NIBAN1: variants seen among roughly 807,000 people sequenced by gnomAD.
The protein encoded by NIBAN1 is niban apoptosis regulator 1, also known as protein Niban 1.
In NIBAN1, 81 loss-of-function variants were observed where a neutral mutation model predicts 75.1. The observed-to-expected ratio is 1.08, with a 90% CI of 0.90 to 1.30. The LOEUF (loss-of-function observed/expected upper bound fraction) is 1.30. NIBAN1 is among the 50% of genes most tolerant of loss of function. NIBAN1 has a pLI of 0.00. For synonymous variants in NIBAN1, 436 were observed against 424.8 expected (o/e 1.03, Z -0.32); for missense variants, 1,133 against 1,128.1 (o/e 1.00, Z -0.06).
At chr1:184,902,768 GA>G (rs1169766170) in intron 1 of NIBAN1, among the ~76,000 whole-genome samples, 1 of 152,138 alleles carries the variant, frequency 6.6e-6, no homozygotes, top group Non-Finnish European at 1.5e-5. Flanking sequence ...ATGAACTGAA[GA>G]AAAAGTGTAA....
intron 4 of NIBAN1, among the ~76,000 whole-genome samples, chr1:184,886,489 T>C (rs1656528685): frequency 6.6e-6 from 1 of 152,214 alleles, no homozygotes; most frequent in Non-Finnish European, 1.5e-5. Context: ...CTAGGATATT[T>C]TTTTAAAGCC....
At chr1:184,841,984 T>C (rs1271117925) in intron 5 of NIBAN1, among the ~76,000 whole-genome samples, 1 of 152,104 alleles carries the variant, frequency 6.6e-6, no homozygotes, top group Admixed American at 6.5e-5. Flanking sequence ...TATTCACCCC[T>C]GCATCCCTAC....
intron 1 of NIBAN1, among the ~76,000 whole-genome samples, chr1:184,967,135 C>T (rs1437905236): frequency 6.6e-6 from 1 of 152,040 alleles, no homozygotes; most frequent in Admixed American, 6.6e-5. Context: ...AATGAATTTT[C>T]CAGTTTCAAA....
At chr1:184,882,454 T>A (rs1292239668) in intron 5 of NIBAN1, among the ~76,000 whole-genome samples, 2 of 152,218 alleles carry the variant, frequency 1.3e-5, no homozygotes, top group Non-Finnish European at 2.9e-5. Flanking sequence ...TGGTTCTGAC[T>A]GGAGCTACTG....
intron 5 of NIBAN1, among the ~76,000 whole-genome samples, chr1:184,865,165 G>GT (rs1288398345): frequency 6.6e-6 from 1 of 152,112 alleles, no homozygotes; most frequent in African/African-American, 2.4e-5. Flanking sequence ...AGATAGGAAT[G>GT]TAAGTTAGTT....
rs1653794012 is a variant in NIBAN1, at chr1:184,794,884, A to C, written c.*93T>G. 6.4e-7 allele frequency: 1 copy of C among 1,561,030 alleles called. No individual in the cohort carries two copies. Among genetic ancestry groups the C allele is most frequent in the Non-Finnish European group, 8.7e-7 (1 of 1,145,652 alleles). ...TATTCAAATTAAGAAAATACTTAAA[A>C]ATTTTTTGGTAACAGCTTGCATGCA... On this transcript the variant is annotated 3_prime_UTR_variant, in exon 14 of 14. Coordinates refer to ENST00000367511, the MANE Select transcript of NIBAN1 (RefSeq NM_052966.4).
intron 1 of NIBAN1, among the ~76,000 whole-genome samples, chr1:184,918,998 T>TA (rs201928415): frequency 9.0e-4 from 137 of 151,686 alleles, no homozygotes; most frequent in East Asian, 3.3e-3. Context: ...TTTAAACTTG[T>TA]AAAAAAAAAC....
intron 5 of NIBAN1, among the ~76,000 whole-genome samples, chr1:184,873,470 C>A (rs1656160924): frequency 6.6e-6 from 1 of 152,190 alleles, no homozygotes; most frequent in African/African-American, 2.4e-5. Context: ...ATAAATTTTC[C>A]ATGAGAAACG....
chr1:184,795,080 A>G lies in NIBAN1; in HGVS notation c.2684T>C (p.Val895Ala). The change falls in exon 14 of 14, where the codon GTG (valine) becomes GCG (alanine). Residue 895 changes from valine (V) to alanine (A), a missense_variant. Coordinates refer to ENST00000367511, the MANE Select transcript of NIBAN1 (RefSeq NM_052966.4). ...VARIHECQWV[V>A]EDAPNPDVLL... The stretch of plus-strand genomic sequence containing the variant: ...GACATCCGGGTTTGGAGCATCCTCC[A>G]CCACCCACTGACACTCATGAATACG... 1 of 1,614,028 alleles carries G rather than the reference A, an allele frequency of 6.2e-7. No homozygotes were observed. Among genetic ancestry groups the G allele is most frequent in the Non-Finnish European group, 8.5e-7 (1 of 1,180,022 alleles).
At chr1:184,878,285 G>C (rs1454042923) in intron 5 of NIBAN1, among the ~76,000 whole-genome samples, 1 of 152,130 alleles carries the variant, frequency 6.6e-6, no homozygotes, top group Non-Finnish European at 1.5e-5. Context: ...AAATTGCTTT[G>C]AGAGCTTCAA....
chr1:184,805,600 C>G (rs867509536), intron 11 of NIBAN1, among the ~76,000 whole-genome samples: 1 of 152,120 alleles, frequency 6.6e-6, no homozygotes, highest in East Asian at 1.9e-4. Context: ...TATATTGTAA[C>G]CTCTTTGAAG....
chr1:184,867,341 C>T lies in NIBAN1; in HGVS notation c.601+17292G>A, dbSNP rs1655986033. ...TCCCTCTGTGCATGTTAAGCTTCTT[C>T]TGACAAGAAGCACTAGAAAGATACA... On this transcript the variant is annotated intron_variant, in intron 5 of 13. Coordinates refer to ENST00000367511, the MANE Select transcript of NIBAN1 (RefSeq NM_052966.4). 2.0e-5 allele frequency among the ~76,000 whole-genome samples: 3 copies of T among 152,294 alleles called. No homozygotes were observed. In the East Asian group the frequency reaches 5.8e-4, roughly 29 times the overall value.
rs1026740677 is a variant in NIBAN1 at position 184,792,211 on chromosome 1, G to A, written c.*2766C>T. 6.6e-6 allele frequency: 1 copy of A among 152,152 alleles called. No individual in the cohort carries two copies. Among genetic ancestry groups the A allele is most frequent in the Admixed American group, 6.6e-5 (1 of 15,258 alleles). 9.4% of individuals were successfully genotyped at this position (152,152 alleles called of 1,614,324 possible). ...TCACCTCAGCCTCCCAAAGTGCTGGGATTATAGGTGTAAGCTACCACATCC... is the reference window on the plus strand; with the variant it reads ...TCACCTCAGCCTCCCAAAGTGCTGGAATTATAGGTGTAAGCTACCACATCC... On this transcript the variant is annotated 3_prime_UTR_variant, in exon 14 of 14. Coordinates refer to ENST00000367511, the MANE Select transcript of NIBAN1 (RefSeq NM_052966.4).
intron 10 of NIBAN1, among the ~76,000 whole-genome samples, chr1:184,807,510 G>C (rs528318860): frequency 6.6e-6 from 1 of 152,120 alleles, no homozygotes; most frequent in African/African-American, 2.4e-5. Context: ...CATATAGGCT[G>C]GGTGTGGTGG....
intron 4 of NIBAN1, among the ~76,000 whole-genome samples, chr1:184,889,348 G>T (rs1372484731): frequency 6.6e-6 from 1 of 152,164 alleles, no homozygotes; most frequent in Non-Finnish European, 1.5e-5. Context: ...TTTGGTAAGT[G>T]GCACAGCCAG....
chr1:184,965,687 A>G (rs1658765281), intron 1 of NIBAN1, among the ~76,000 whole-genome samples: 1 of 152,216 alleles, frequency 6.6e-6, no homozygotes, highest in African/African-American at 2.4e-5. Flanking sequence ...AGGAAAAATA[A>G]CTAATGGATA....
At chr1:184,967,180 A>C (rs148325913) in intron 1 of NIBAN1, among the ~76,000 whole-genome samples, 1 of 149,446 alleles carries the variant, frequency 6.7e-6, no homozygotes, top group Admixed American at 6.7e-5. Context: ...GGTTCTGTTA[A>C]ATCTCTTTCT....
rs1335694028 is a variant in NIBAN1, at chr1:184,890,198, T to C, written c.343A>G (p.Lys115Glu). The stretch of plus-strand genomic sequence containing the variant: ...CCACCGGCTGGAAGAATTCGACATT[T>C]AGGAGCAGCTCCTCTCTGATAGGCC... ...KEAYQRGAAP[K>E]CRILPAGGKV... is the part of the protein sequence containing the mutation. Residue 115 changes from lysine to glutamate, a missense_variant, in exon 4 of 14, where the codon AAA (lysine) becomes GAA (glutamate). Lys to Glu is a moderately conservative substitution (Grantham distance 56, BLOSUM62 1). Transcript: ENST00000367511. 1.9e-6 allele frequency: 3 copies of C among 1,613,866 alleles called. No homozygotes were observed. Among genetic ancestry groups the C allele is most frequent in the Non-Finnish European group, 2.5e-6 (3 of 1,179,812 alleles).
intron 1 of NIBAN1, among the ~76,000 whole-genome samples, chr1:184,956,177 C>T (rs370582435): frequency 3.3e-5 from 5 of 152,040 alleles, no homozygotes; most frequent in South Asian, 2.1e-4. Flanking sequence ...TACAAGCATG[C>T]GCCACTACAT....
Sources: gnomAD v4.1 joint callset for allele counts (sites outside exome capture counted in the v4.1 genomes callset) on GRCh38, gnomAD v4.1.1 for gene constraint, MANE v1.5 for transcripts, NCBI Gene and HGNC (gene_info 2026-07-23, HGNC 2026-07-21) for gene names.